The following PTH2R variants were observed in gnomAD, a reference collection of about 807,000 sequenced individuals.
PTH2R encodes parathyroid hormone 2 receptor.
A neutral mutation model predicts 60.3 loss-of-function variants in PTH2R; 59 were observed. That is an observed-to-expected ratio of 0.98 (90% CI 0.79 to 1.22). PTH2R has a LOEUF of 1.22. Ranked by LOEUF, PTH2R falls within the 50% of genes most tolerant of loss-of-function variation. The pLI is 0.00. For missense variants in PTH2R, 749 were observed against 682.6 expected (o/e 1.10, Z -1.08); for synonymous variants, 256 against 243.8 (o/e 1.05, Z -0.47).
intron 12 of PTH2R, 37 bp from the exon 13 acceptor site, chr2:208,493,227 A>G: frequency 1.4e-6 from 2 of 1,454,352 alleles, no homozygotes; most frequent in Non-Finnish European, 1.8e-6. Context: ...GGTCTCCTTT[A>G]GGATTTCTCA....
At chr2:208,447,616 A>G (rs1702314625) in intron 7 of PTH2R, among the ~76,000 whole-genome samples, 1 of 146,888 alleles carries the variant, frequency 6.8e-6, no homozygotes, top group East Asian at 2.0e-4. Context: ...AAAATAAATA[A>G]ATAAATAAAT....
At chr2:208,451,145 C>T (rs1202537773) in intron 8 of PTH2R, among the ~76,000 whole-genome samples, 4 of 152,122 alleles carry the variant, frequency 2.6e-5, no homozygotes, top group Admixed American at 1.3e-4. Flanking sequence ...AACTACACTA[C>T]CTGATTCCTA....
chr2:208,360,582 C>T (rs531864261), intron 1 of PTH2R: 6 of 153,978 alleles, frequency 3.9e-5, no homozygotes, highest in African/African-American at 1.4e-4. Context: ...GCCGCGCTGC[C>T]GGCTCTACCT....
At position 208,443,497 on chromosome 2, in the gene PTH2R, A is replaced by C; in HGVS notation, c.659A>C (p.Gln220Pro). The C allele has an allele frequency of 1.2e-6, 2 of 1,612,006 alleles. No individual in the cohort carries two copies. Among genetic ancestry groups the C allele is most frequent in the South Asian group, 2.2e-5 (2 of 90,520 alleles). The stretch of plus-strand genomic sequence containing the variant: ...TCCCTAATAATGCAGGATGACCCAC[A>C]AAATTCCATTGAGGCAACTTCTGTG... ...LESLIMQDDP[Q>P]NSIEATSVDK... The change falls in exon 6 of 13, where the codon CAA (glutamine) becomes CCA (proline). Residue 220 changes from glutamine to proline, a missense_variant. Transcript: ENST00000272847.
intron 9 of PTH2R, among the ~76,000 whole-genome samples, chr2:208,467,706 G>A (rs2105894287): frequency 6.6e-6 from 1 of 152,120 alleles, no homozygotes; most frequent in East Asian, 1.9e-4. Flanking sequence ...GCCTACAGAA[G>A]TTAAGCTTCT....
chr2:208,387,591 C>A (rs1701025245), intron 1 of PTH2R, among the ~76,000 whole-genome samples: 1 of 152,140 alleles, frequency 6.6e-6, no homozygotes, highest in Admixed American at 6.5e-5. Context: ...TAGAAGTTAA[C>A]CCTCCTTTAA....
chr2:208,482,766 G>A (rs1703182978), intron 10 of PTH2R, among the ~76,000 whole-genome samples: 1 of 152,066 alleles, frequency 6.6e-6, no homozygotes, highest in Admixed American at 6.5e-5. Context: ...CCAAGATGAG[G>A]GCGTTTATAG....
chr2:208,406,936 C>T lies in PTH2R; in HGVS notation c.-108C>T. On this transcript the variant is annotated 5_prime_UTR_variant, in exon 1 of 13. Transcript: ENST00000272847. ...CCCGGGCCCGACCACCCCAGCTGCG[C>T]GTCGTTACTGGCCACAAGTTTGCTC... is the stretch of plus-strand genomic sequence containing the variant. 1.1e-6 allele frequency: 1 copy of T among 928,250 alleles called. No homozygotes were observed. The highest frequency in any genetic ancestry group is 1.5e-6 in the Non-Finnish European group (1 of 668,334). The allele number at this position is 928,250 out of a possible 1,614,324, so 57.5% of individuals were successfully genotyped here.
At chr2:208,457,126 G>A (rs952755326) in intron 8 of PTH2R, among the ~76,000 whole-genome samples, 14 of 152,318 alleles carry the variant, frequency 9.2e-5, no homozygotes, top group African/African-American at 1.9e-4. Flanking sequence ...TAGGGAATCC[G>A]AAAGCCTTGT....
intron 1 of PTH2R, among the ~76,000 whole-genome samples, chr2:208,365,309 A>T (rs1382425941): frequency 6.6e-6 from 1 of 152,124 alleles, no homozygotes; most frequent in Non-Finnish European, 1.5e-5. Context: ...CTTTTCCTAA[A>T]CAACCTTTAT....
At chr2:208,464,933 A>G (rs1462202249) in intron 9 of PTH2R, among the ~76,000 whole-genome samples, 1 of 151,822 alleles carries the variant, frequency 6.6e-6, no homozygotes, top group Non-Finnish European at 1.5e-5. Context: ...GCTAACATTT[A>G]TCTTTTGTCT....
chr2:208,378,809 G>A (rs1001760896), intron 1 of PTH2R, among the ~76,000 whole-genome samples: 4 of 152,124 alleles, frequency 2.6e-5, no homozygotes, highest in African/African-American at 9.7e-5. Flanking sequence ...GGACTCAGGC[G>A]GTAGGCAAGA....
At chr2:208,369,546 A>G (rs1700655259) in intron 1 of PTH2R, among the ~76,000 whole-genome samples, 2 of 151,824 alleles carry the variant, frequency 1.3e-5, no homozygotes, top group African/African-American at 4.9e-5. Flanking sequence ...TTGTAGTTTT[A>G]GTAGAGACAG....
intron 2 of PTH2R, among the ~76,000 whole-genome samples, chr2:208,435,056 G>A (rs979757008): frequency 7.2e-5 from 11 of 152,174 alleles, no homozygotes; most frequent in Admixed American, 2.0e-4. Flanking sequence ...AGCAAATCAA[G>A]TATTTGTTTC....
rs777810235 is a variant in PTH2R, at chr2:208,442,316, A to G, written c.412-48A>G. ...TGACATACTATTTCTTTGCCAGTTT[A>G]TTGGTAAAATAGTCCCATATCATAC... On this transcript the variant is annotated intron_variant, in intron 4 of 12. Transcript: ENST00000272847. The G allele has an allele frequency of 1.1e-5, 15 of 1,320,616 alleles. No homozygotes were observed. The South Asian group carries it at 1.3e-4, about 12-fold the overall frequency. 81.8% of individuals were successfully genotyped at this position (1,320,616 alleles called of 1,614,324 possible).
intron 2 of PTH2R, among the ~76,000 whole-genome samples, chr2:208,435,499 G>T (rs572357055): frequency 3.5e-4 from 54 of 152,286 alleles, no homozygotes; most frequent in Middle Eastern, 3.4e-3. Flanking sequence ...CAGAGTTGAA[G>T]CAGAAAATGA....
upstream of PTH2R, among the ~76,000 whole-genome samples, chr2:208,402,799 T>C (rs1226921421): frequency 6.6e-6 from 1 of 152,220 alleles, no homozygotes. Flanking sequence ...AACTTATCTC[T>C]GTGGGGAAAT....
At chr2:208,437,734 T>C (rs371358876) in intron 3 of PTH2R, 26 bp from the exon 4 acceptor site, 3 of 1,607,866 alleles carry the variant, frequency 1.9e-6, no homozygotes, top group African/African-American at 2.7e-5. Flanking sequence ...AACTGAGCGA[T>C]CTCAGCATCT....
intron 7 of PTH2R, among the ~76,000 whole-genome samples, chr2:208,448,278 T>A (rs1702330395): frequency 6.6e-6 from 1 of 152,220 alleles, no homozygotes; most frequent in East Asian, 1.9e-4. Flanking sequence ...TTTGTTTGTT[T>A]TCTTGTTGTG....
Sources: gnomAD v4.1 joint callset for allele counts (sites outside exome capture counted in the v4.1 genomes callset) on GRCh38, gnomAD v4.1.1 for gene constraint, MANE v1.5 for transcripts, NCBI Gene and HGNC (gene_info 2026-07-23, HGNC 2026-07-21) for gene names.